Variants in DOK4 observed in about 807,000 individuals in gnomAD.
DOK4 encodes docking protein 4, also known as downstream of tyrosine kinase 4.
DOK4 carries 26 observed loss-of-function variants against 40.1 expected under a neutral mutation model. The observed-to-expected ratio is 0.65, with a 90% CI of 0.48 to 0.90. DOK4 has a LOEUF of 0.90. Among genes scored for constraint, DOK4 ranks in the 40% least tolerant of loss-of-function variants. DOK4 has a pLI of 0.00. For missense variants in DOK4, 392 were observed against 437.2 expected (o/e 0.90, Z 0.92); for synonymous variants, 179 against 177.0 (o/e 1.01, Z -0.09).
chr16:57,473,725 C>T (rs1277955577), exon 8 of DOK4: 2 of 1,610,506 alleles, frequency 1.2e-6, no homozygotes, highest in Middle Eastern at 1.7e-4. Flanking sequence ...GTTCCGTGCC[C>T]TTGTTCAGCA....
exon 7 of DOK4, chr16:57,473,956 A>G: frequency 6.3e-7 from 1 of 1,599,388 alleles, no homozygotes; most frequent in Non-Finnish European, 8.5e-7. Flanking sequence ...TGCGATGGCC[A>G]GGGTGGCACT....
At chr16:57,480,716 CA>C (rs2031383900) in intron 1 of DOK4, among the ~76,000 whole-genome samples, 1 of 152,096 alleles carries the variant, frequency 6.6e-6, no homozygotes, top group African/African-American at 2.4e-5. Context: ...GTGGGAGTAC[CA>C]GCAGAGCCAC....
chr16:57,482,390 G>C (rs540061405), intron 1 of DOK4, among the ~76,000 whole-genome samples: 2 of 110,660 alleles, frequency 1.8e-5, no homozygotes, highest in Non-Finnish European at 3.6e-5. Context: ...TTTTTGAGAC[G>C]GAGTCTCACT....
chr16:57,472,536 C>T (rs1427233366), exon 9 of DOK4: 1 of 152,648 alleles, frequency 6.6e-6, no homozygotes, highest in Non-Finnish European at 1.5e-5. Flanking sequence ...ATTGTCCACC[C>T]CTGGTCAGTG....
chr16:57,473,287 CGACA>C (rs2030956267), exon 9 of DOK4: 8 of 1,490,232 alleles, frequency 5.4e-6, no homozygotes, highest in Middle Eastern at 2.5e-4. Context: ...GGCTCTTGGC[CGACA>C]GCCCCCTGAG....
At chr16:57,474,694 A>G (rs996872670) in intron 6 of DOK4, 99 bp downstream of exon 6, 23 of 1,440,876 alleles carry the variant, frequency 1.6e-5, no homozygotes, top group Admixed American at 6.1e-5. Context: ...TGCTAGGCCA[A>G]TAAGTAAACC....
chr16:57,475,376 C>T, intron 4 of DOK4, 130 bp downstream of exon 4: 1 of 1,396,516 alleles, frequency 7.2e-7, no homozygotes. Flanking sequence ...TCCCTGAAAG[C>T]ACCCCCAACC....
exon 9 of DOK4, chr16:57,473,087 T>A: frequency 2.7e-6 from 1 of 377,124 alleles, no homozygotes; most frequent in Non-Finnish European, 4.8e-6. Context: ...TGGGGAAGGA[T>A]GGGGTGAGGG....
exon 8 of DOK4, chr16:57,473,684 A>G (rs373322805): frequency 3.1e-6 from 5 of 1,614,060 alleles, no homozygotes; most frequent in South Asian, 2.2e-5. Context: ...GCGCGGCAGC[A>G]TGGTCGTGGG....
chr16:57,472,525 C>T (rs1334643169), exon 9 of DOK4: 2 of 152,650 alleles, frequency 1.3e-5, no homozygotes, highest in Non-Finnish European at 2.9e-5. Context: ...TCTGCTTGGG[C>T]ATTGTCCACC....
At chr16:57,482,358 C>CTT (rs1437029605) in intron 1 of DOK4, among the ~76,000 whole-genome samples, 40 of 111,774 alleles carry the variant, frequency 3.6e-4, no homozygotes, top group African/African-American at 1.2e-3. Flanking sequence ...AGAGATGGGG[C>CTT]TTTTGTTTTT....
chr16:57,477,663 C>T (rs568583826), intron 2 of DOK4, among the ~76,000 whole-genome samples: 3 of 152,304 alleles, frequency 2.0e-5, no homozygotes, highest in East Asian at 1.9e-4. Context: ...CTTCCCACTT[C>T]GCACAGGGCT....
chr16:57,475,534 G>C, exon 4 of DOK4: 1 of 1,609,362 alleles, frequency 6.2e-7, no homozygotes, highest in Non-Finnish European at 8.5e-7. Flanking sequence ...TACGTGCCGA[G>C]TCATCAGTGA....
exon 6 of DOK4, chr16:57,474,804 G>T: frequency 6.2e-7 from 1 of 1,613,938 alleles, no homozygotes; most frequent in Non-Finnish European, 8.5e-7. Context: ...GGCCAGCCTC[G>T]AAGGTAAAGC....
rs139853290 is a variant in DOK4, at chr16:57,477,137, C to A, written c.67-1180G>T. Among the ~76,000 whole-genome samples, 8 of 152,276 alleles carry A rather than the reference C, an allele frequency of 5.3e-5. No homozygotes were observed. The East Asian group carries it at 1.5e-3, about 29-fold the overall frequency. On this transcript the variant is annotated intron_variant, in intron 2 of 8. Transcript: ENST00000340099. ...CAGAGGAGGCCAGGGGGCCTCTAGGCCCCACCCCTCCTCGGCCCTACTGTG... is the reference window on the plus strand; with the variant it reads ...CAGAGGAGGCCAGGGGGCCTCTAGGACCCACCCCTCCTCGGCCCTACTGTG...
In DOK4 at chr16:57,473,498, G is replaced by A; in HGVS notation, c.863-3C>T. On this transcript the variant is annotated splice_polypyrimidine_tract_variant and splice_region_variant and intron_variant, in intron 8 of 8. Coordinates refer to ENST00000340099, the Ensembl canonical transcript of DOK4. ...CTGGGCTGCCCCATACCCCTCACCT[G>A]TGGGCACAGAAGCAGGCTCAGAACT... The A allele has an allele frequency of 6.2e-7, 1 of 1,614,232 alleles. No individual in the cohort carries two copies.
At chr16:57,472,384 A>G (rs1052448023) in exon 9 of DOK4, 5 of 152,714 alleles carry the variant, frequency 3.3e-5, no homozygotes, top group Non-Finnish European at 5.9e-5. Flanking sequence ...CCAGCACTAG[A>G]AAATCAATTG....
chr16:57,476,595 C>T (rs990543133), intron 2 of DOK4, among the ~76,000 whole-genome samples: 1 of 152,214 alleles, frequency 6.6e-6, no homozygotes, highest in Non-Finnish European at 1.5e-5. Context: ...GTAACCCCCA[C>T]TCTTGTCTCC....
At chr16:57,477,800 T>A (rs1218981618) in intron 2 of DOK4, among the ~76,000 whole-genome samples, 1 of 152,196 alleles carries the variant, frequency 6.6e-6, no homozygotes, top group African/African-American at 2.4e-5. Context: ...GAGATGAGAA[T>A]GGCTGCTGGG....
Sources: allele counts gnomAD v4.1 joint callset (sites outside exome capture counted in the v4.1 genomes callset), GRCh38; gene constraint gnomAD v4.1.1; transcripts MANE v1.5; gene names NCBI Gene and HGNC (gene_info 2026-07-23, HGNC 2026-07-21).